The following MECOM variants were observed in gnomAD, a reference collection of about 807,000 sequenced individuals.
MECOM encodes histone-lysine N-methyltransferase MECOM.
MECOM carries 13 observed loss-of-function variants against 116.3 expected under a neutral mutation model. The observed-to-expected ratio is 0.11, with a 90% CI of 0.07 to 0.18. The LOEUF is 0.18. Among genes scored for constraint, MECOM ranks in the 10% least tolerant of loss-of-function variants. The pLI is 1.00. For synonymous variants in MECOM, 528 were observed against 535.2 expected (o/e 0.99, Z 0.19); for missense variants, 1,299 against 1,509.0 (o/e 0.86, Z 2.31).
At chr3:169,426,683 G>A (rs527542776) in intron 1 of MECOM, among the ~76,000 whole-genome samples, 1 of 152,316 alleles carries the variant, frequency 6.6e-6, no homozygotes, top group East Asian at 1.9e-4. Context: ...AATTGCTGAA[G>A]TAAAAGGGCT....
chr3:169,453,459 C>T (rs562296986), intron 1 of MECOM, among the ~76,000 whole-genome samples: 4 of 152,324 alleles, frequency 2.6e-5, no homozygotes, highest in African/African-American at 2.4e-5. Context: ...CCCTATCTCC[C>T]GCCACAGCCT....
chr3:169,336,224 A>C (rs1271968836), intron 2 of MECOM, among the ~76,000 whole-genome samples: 1 of 152,100 alleles, frequency 6.6e-6, no homozygotes, highest in Non-Finnish European at 1.5e-5. Flanking sequence ...AATATGACAC[A>C]AAGTCTTGTA....
intron 3 of MECOM, among the ~76,000 whole-genome samples, chr3:169,142,463 A>G (rs1183473981): frequency 6.6e-6 from 1 of 151,968 alleles, no homozygotes; most frequent in Non-Finnish European, 1.5e-5. Flanking sequence ...TCTGTTGTTG[A>G]TGGCGACAGT....
At chr3:169,147,802 A>C (rs1740379021) in intron 2 of MECOM, 1 of 834,414 alleles carries the variant, frequency 1.2e-6, no homozygotes, top group Non-Finnish European at 1.4e-6. Context: ...GGGATGGGGA[A>C]GGGTAGAGAA....
intron 1 of MECOM, among the ~76,000 whole-genome samples, chr3:169,390,878 A>T (rs1734095632): frequency 6.6e-6 from 1 of 152,154 alleles, no homozygotes; most frequent in African/African-American, 2.4e-5. Flanking sequence ...TATTCAAAAC[A>T]ACCCCCAAAA....
At chr3:169,150,486 T>C (rs1440826711) in intron 2 of MECOM, among the ~76,000 whole-genome samples, 1 of 152,242 alleles carries the variant, frequency 6.6e-6, no homozygotes, top group Non-Finnish European at 1.5e-5. Context: ...CTGCAGTGTT[T>C]AGCACTGCCC....
intron 3 of MECOM, among the ~76,000 whole-genome samples, chr3:169,142,664 T>A (rs1305706836): frequency 2.6e-5 from 4 of 152,132 alleles, no homozygotes; most frequent in African/African-American, 9.6e-5. Context: ...ATTTACTACC[T>A]CTTACACCGT....
rs533034270 is a variant in MECOM, at chr3:169,349,119, C to T, written c.375+32068G>A. Among the ~76,000 whole-genome samples, 505 of 150,310 alleles carry T rather than the reference C, an allele frequency of 3.4e-3. 4 individuals are homozygous for T. Among genetic ancestry groups the T allele is most frequent in the Middle Eastern group, 6.8e-3 (2 of 294 alleles). On this transcript the variant is annotated intron_variant, in intron 2 of 16. Transcript: ENST00000651503. Reference sequence around the variant, plus strand: ...GTTTTTCTCCCTCACTTCTTAGACGCATTTGGTAACAATCAGGCTTTTATT... The same window carrying T: ...GTTTTTCTCCCTCACTTCTTAGACGTATTTGGTAACAATCAGGCTTTTATT...
At chr3:169,617,069 C>T (rs1435556486) in intron 1 of MECOM, among the ~76,000 whole-genome samples, 5 of 152,110 alleles carry the variant, frequency 3.3e-5, no homozygotes, top group African/African-American at 9.7e-5. Flanking sequence ...TCTTCGCCCT[C>T]CCACAAAACT....
At chr3:169,194,945 G>C (rs1748221514) in intron 2 of MECOM, among the ~76,000 whole-genome samples, 2 of 152,172 alleles carry the variant, frequency 1.3e-5, no homozygotes, top group South Asian at 4.1e-4. Flanking sequence ...CTACAAGAGA[G>C]ATGAAGGACT....
intron 1 of MECOM, among the ~76,000 whole-genome samples, chr3:169,449,435 A>G (rs1422762367): frequency 6.6e-6 from 1 of 152,220 alleles, no homozygotes; most frequent in Non-Finnish European, 1.5e-5. Flanking sequence ...TTCACCAAAT[A>G]TGAAAATGAT....
At chr3:169,255,692 A>T (rs1305227541) in intron 2 of MECOM, among the ~76,000 whole-genome samples, 1 of 152,144 alleles carries the variant, frequency 6.6e-6, no homozygotes. Flanking sequence ...TTGCACTGTT[A>T]TGACAACCAT....
intron 2 of MECOM, among the ~76,000 whole-genome samples, chr3:169,297,338 G>C (rs1455147310): frequency 6.6e-6 from 1 of 152,154 alleles, no homozygotes; most frequent in Non-Finnish European, 1.5e-5. Context: ...CTGAGGTAAA[G>C]GAACACCAAA....
At chr3:169,655,278 A>C (rs1211542451) in intron 1 of MECOM, among the ~76,000 whole-genome samples, 2 of 152,158 alleles carry the variant, frequency 1.3e-5, no homozygotes, top group Non-Finnish European at 2.9e-5. Flanking sequence ...AAAATAGGAG[A>C]GAGCTTAAGG....
intron 1 of MECOM, among the ~76,000 whole-genome samples, chr3:169,416,583 C>A (rs190893718): frequency 1.3e-5 from 2 of 151,612 alleles, no homozygotes; most frequent in East Asian, 1.9e-4. Context: ...ATCAATGAAT[C>A]CAGGAGCTGT....
chr3:169,169,856 G>A (rs574013634), intron 2 of MECOM, among the ~76,000 whole-genome samples: 121 of 148,188 alleles, frequency 8.2e-4, no homozygotes, highest in Non-Finnish European at 1.3e-3. Flanking sequence ...TTTTTCCCAT[G>A]GGAAAGAAGC....
At chr3:169,338,600 GGTGTGTGTGTGT>G (rs149763365) in intron 2 of MECOM, among the ~76,000 whole-genome samples, 2 of 146,440 alleles carry the variant, frequency 1.4e-5, no homozygotes, top group South Asian at 2.2e-4. Flanking sequence ...TTATGTTAGG[GGTGTGTGTGTGT>G]GTGTGTGTGT....
intron 2 of MECOM, among the ~76,000 whole-genome samples, chr3:169,153,818 G>A (rs1205456155): frequency 3.9e-5 from 6 of 152,148 alleles, no homozygotes; most frequent in African/African-American, 7.2e-5. Flanking sequence ...ATTGGGTAAC[G>A]TGAGTGTGAA....
At chr3:169,104,102 C>A (rs1724526697) in intron 10 of MECOM, among the ~76,000 whole-genome samples, 1 of 152,150 alleles carries the variant, frequency 6.6e-6, no homozygotes, top group African/African-American at 2.4e-5. Context: ...GGGTTTGATT[C>A]ATAATCACTC....
Sources: gnomAD v4.1 joint callset for allele counts (sites outside exome capture counted in the v4.1 genomes callset) on GRCh38, gnomAD v4.1.1 for gene constraint, MANE v1.5 for transcripts, NCBI Gene and HGNC (gene_info 2026-07-23, HGNC 2026-07-21) for gene names.